The following CNTN3 variants were observed in gnomAD, a reference collection of about 807,000 sequenced individuals.
CNTN3 encodes contactin-3.
CNTN3 carries 60 observed loss-of-function variants against 119.1 expected under a neutral mutation model. The observed-to-expected ratio is 0.50, with a 90% CI of 0.41 to 0.62. The LOEUF is 0.62. Ranked by LOEUF, CNTN3 falls within the 20% of genes least tolerant of loss-of-function variation. The pLI is 0.00. For missense variants in CNTN3, 1,101 were observed against 1,242.4 expected (o/e 0.89, Z 1.71); for synonymous variants, 450 against 438.7 (o/e 1.03, Z -0.32).
intron 1 of CNTN3, among the ~76,000 whole-genome samples, chr3:74,603,304 G>A (rs1474637177): frequency 1.3e-5 from 2 of 152,098 alleles, no homozygotes; most frequent in Admixed American, 6.6e-5. Context: ...CAGCTACATG[G>A]CAGCTGATAT....
chr3:74,507,622 CTTTCTTTTTT>C lies in CNTN3; in HGVS notation c.56-7847_56-7838del, dbSNP rs1209590744. ...CTGTTTCTTTTTCTTTTCTTTCTTT[CTTTCTTTTTT>C]TTTTTTTTTTTTTTTTTAAGAAAGA... is the stretch of plus-strand genomic sequence containing the variant. On this transcript the variant is annotated intron_variant, in intron 2 of 22. Transcript: ENST00000263665. 3.3e-3 allele frequency among the ~76,000 whole-genome samples: 403 copies of C among 120,468 alleles called. 5 individuals carry two copies. The highest frequency in any genetic ancestry group is 0.012 in the African/African-American group (392 of 32,152). The allele number at this position is 120,468 out of a possible 152,430, so 79.0% of individuals were successfully genotyped here.
At chr3:74,435,417 T>A (rs954562559) in intron 4 of CNTN3, among the ~76,000 whole-genome samples, 1 of 152,128 alleles carries the variant, frequency 6.6e-6, no homozygotes, top group Non-Finnish European at 1.5e-5. Flanking sequence ...GCTCAAGCAA[T>A]CCACCTGTCT....
At chr3:74,570,474 C>A (rs370821628) in intron 1 of CNTN3, among the ~76,000 whole-genome samples, 17 of 147,592 alleles carry the variant, frequency 1.2e-4, no homozygotes, top group African/African-American at 4.3e-4. Flanking sequence ...AGAGAACTGG[C>A]TCTCTCGCAA....
chr3:74,494,067 C>G (rs548755530), intron 3 of CNTN3, among the ~76,000 whole-genome samples: 7 of 152,214 alleles, frequency 4.6e-5, no homozygotes, highest in Non-Finnish European at 1.0e-4. Context: ...AGGAGTGTTA[C>G]AGATGTTTTC....
intron 1 of CNTN3, among the ~76,000 whole-genome samples, chr3:74,588,643 A>G (rs901544119): frequency 1.3e-5 from 2 of 152,022 alleles, no homozygotes; most frequent in African/African-American, 2.4e-5. Context: ...AGCCCGCATC[A>G]CCAAGTCATT....
intron 19 of CNTN3, among the ~76,000 whole-genome samples, chr3:74,286,563 A>G (rs1222107019): frequency 6.6e-6 from 1 of 152,198 alleles, no homozygotes; most frequent in Non-Finnish European, 1.5e-5. Flanking sequence ...ACATTACAAA[A>G]GCAAAGTTAA....
At position 74,429,618 on chromosome 3, in the gene CNTN3, AAAGG is replaced by A. The variant is rs1701750851; in HGVS notation, c.359-4682_359-4679del. 1.3e-5 allele frequency among the ~76,000 whole-genome samples: 2 copies of A among 152,164 alleles called. 1 individual carries two copies. The highest frequency in any genetic ancestry group is 2.9e-5 in the Non-Finnish European group (2 of 68,034). ...CTTGACACCAATTGAATGGTCTTTA[AAAGG>A]AAGGACCAATAAACCAGACTGCATC... is the stretch of plus-strand genomic sequence containing the variant. On this transcript the variant is annotated intron_variant, in intron 4 of 22. Coordinates refer to ENST00000263665, the MANE Select transcript of CNTN3 (RefSeq NM_020872.3).
chr3:74,450,019 T>C (rs1479192018), intron 4 of CNTN3, among the ~76,000 whole-genome samples: 1 of 152,102 alleles, frequency 6.6e-6, no homozygotes, highest in Non-Finnish European at 1.5e-5. Flanking sequence ...AGCAAGATAA[T>C]GAATCAAACT....
At chr3:74,379,959 A>G (rs897963408) in intron 5 of CNTN3, among the ~76,000 whole-genome samples, 4 of 152,164 alleles carry the variant, frequency 2.6e-5, no homozygotes, top group African/African-American at 9.7e-5. Context: ...ATTTTATGAA[A>G]CTTAGACAAT....
intron 4 of CNTN3, among the ~76,000 whole-genome samples, chr3:74,464,625 T>C (rs1436363452): frequency 6.6e-6 from 1 of 152,162 alleles, no homozygotes; most frequent in East Asian, 1.9e-4. Context: ...ATCTGAAAAG[T>C]GACTACACAG....
chr3:74,288,634 C>T (rs1445245542), intron 19 of CNTN3, among the ~76,000 whole-genome samples: 1 of 152,166 alleles, frequency 6.6e-6, no homozygotes, highest in Non-Finnish European at 1.5e-5. Flanking sequence ...ATATGCTAAT[C>T]TGTATCATTT....
At chr3:74,529,115 C>T (rs1703659343) in intron 1 of CNTN3, among the ~76,000 whole-genome samples, 1 of 151,770 alleles carries the variant, frequency 6.6e-6, no homozygotes, top group African/African-American at 2.4e-5. Context: ...TTAAAAGCAG[C>T]TAACTCTGGG....
At chr3:74,325,616 AT>A (rs1703109351) in intron 13 of CNTN3, among the ~76,000 whole-genome samples, 1 of 152,114 alleles carries the variant, frequency 6.6e-6, no homozygotes, top group South Asian at 2.1e-4. Context: ...CTGGGGAACA[AT>A]TTAGAAATAA....
chr3:74,407,460 A>G (rs1701352353), intron 5 of CNTN3, among the ~76,000 whole-genome samples: 1 of 145,418 alleles, frequency 6.9e-6, no homozygotes, highest in African/African-American at 2.6e-5. Flanking sequence ...TTTAGTAGAG[A>G]CAGGGTTTCT....
chr3:74,419,886 T>G (rs997281737), intron 5 of CNTN3, among the ~76,000 whole-genome samples: 1 of 152,180 alleles, frequency 6.6e-6, no homozygotes, highest in Admixed American at 6.5e-5. Flanking sequence ...ATTTTTCTCG[T>G]GTATTTCAAT....
intron 4 of CNTN3, among the ~76,000 whole-genome samples, chr3:74,429,569 A>G (rs1575716907): frequency 6.6e-6 from 1 of 152,160 alleles, no homozygotes; most frequent in South Asian, 2.1e-4. Context: ...TTTGTGATGT[A>G]AGGATAGGCA....
intron 4 of CNTN3, among the ~76,000 whole-genome samples, chr3:74,452,907 A>T (rs1702188288): frequency 1.3e-5 from 2 of 151,364 alleles, no homozygotes; most frequent in South Asian, 4.2e-4. Context: ...GTGCTGCTGG[A>T]TTCGGTTTGC....
At position 74,410,613 on chromosome 3, in the gene CNTN3, A is replaced by G. The variant is rs1361972506; in HGVS notation, c.454+14232T>C. 2.6e-5 allele frequency among the ~76,000 whole-genome samples: 4 copies of G among 152,170 alleles called. No individual in the cohort carries two copies. The East Asian group carries it at 7.7e-4, about 29-fold the overall frequency. ...ACTTCAGATGTCATTTCATGTCTCAAGTGGAAACAGAATAGGCCTTCTTAA... is the reference window on the plus strand; with the variant it reads ...ACTTCAGATGTCATTTCATGTCTCAGGTGGAAACAGAATAGGCCTTCTTAA... On this transcript the variant is annotated intron_variant, in intron 5 of 22. Coordinates refer to ENST00000263665, the MANE Select transcript of CNTN3 (RefSeq NM_020872.3).
At chr3:74,333,278 C>T (rs1412232445) in intron 13 of CNTN3, among the ~76,000 whole-genome samples, 1 of 152,194 alleles carries the variant, frequency 6.6e-6, no homozygotes, top group Non-Finnish European at 1.5e-5. Flanking sequence ...CCTAAGGTTG[C>T]CGTAAGGCAG....
Sources: allele counts gnomAD v4.1 joint callset (sites outside exome capture counted in the v4.1 genomes callset), GRCh38; gene constraint gnomAD v4.1.1; transcripts MANE v1.5; gene names NCBI Gene and HGNC (gene_info 2026-07-23, HGNC 2026-07-21).